The following ZNF222 variants were observed in gnomAD, a reference collection of about 807,000 sequenced individuals.
The protein encoded by ZNF222 is zinc finger protein 222.
A neutral mutation model predicts 11.6 loss-of-function variants in ZNF222; 8 were observed. The observed-to-expected ratio is 0.69, with a 90% CI of 0.41 to 1.25. The LOEUF (loss-of-function observed/expected upper bound fraction) is 1.25. ZNF222 is among the 50% of genes most tolerant of loss of function. The pLI, the probability that ZNF222 is intolerant of heterozygous loss-of-function variation, is 0.01. For missense variants in ZNF222, 483 were observed against 576.1 expected (o/e 0.84, Z 1.65); for synonymous variants, 171 against 195.6 (o/e 0.87, Z 1.05).
Position 44,029,201 on chromosome 19 carries a change from T to G in ZNF222, c.262+1711T>G, listed in dbSNP as rs573099416. ...GGTTTGTTTTGTTTTGTTTTTTTTT[T>G]TTTTTTTTTTTTTGTCTGTGCAGGG... On this transcript the variant is annotated intron_variant, in intron 3 of 3. Coordinates refer to ENST00000391960, the MANE Select transcript of ZNF222 (RefSeq NM_001129996.2). 2.0e-3 allele frequency among the ~76,000 whole-genome samples: 301 copies of G among 147,334 alleles called. 3 individuals carry two copies. Among genetic ancestry groups the G allele is most frequent in the South Asian group, 4.4e-3 (20 of 4,564 alleles).
At position 44,032,025 on chromosome 19, in the gene ZNF222, C is replaced by T; in HGVS notation, c.471C>T (p.Phe157=). 6.2e-7 allele frequency: 1 copy of T among 1,614,210 alleles called. No individual in the cohort carries two copies. The highest frequency in any genetic ancestry group is 8.5e-7 in the Non-Finnish European group (1 of 1,180,032). ...CAGTTCACACAAGAGAAAAACCTTT[C>T]CAGGGTGAAAATTGTAAACAGTTCT... ...LSTVHTREKP[F]QGENCKQFFS... is the part of the protein sequence containing the mutation. The change falls in exon 4 of 4, where the codon TTC becomes TTT. Residue 157 remains phenylalanine, a synonymous_variant. Coordinates refer to ENST00000391960, the MANE Select transcript of ZNF222 (RefSeq NM_001129996.2).
At chr19:44,026,187 C>A in intron 1 of ZNF222, 1 of 1,211,408 alleles carries the variant, frequency 8.3e-7, no homozygotes, top group Non-Finnish European at 1.2e-6. Context: ...ATGATTAAGC[C>A]TTAATTGGTA....
At chr19:44,029,802 C>T (rs555512226) in intron 3 of ZNF222, among the ~76,000 whole-genome samples, 1 of 152,192 alleles carries the variant, frequency 6.6e-6, no homozygotes, top group African/African-American at 2.4e-5. Context: ...AAAAATGTAC[C>T]TAATTCAGGA....
At chr19:44,028,330 T>C in intron 3 of ZNF222, 1 of 398,500 alleles carries the variant, frequency 2.5e-6, no homozygotes, top group Non-Finnish European at 4.4e-6. Context: ...GAACATAACG[T>C]GTTCATAGGT....
At chr19:44,029,185 TGTTTTG>T (rs1568503601) in intron 3 of ZNF222, among the ~76,000 whole-genome samples, 9 of 93,806 alleles carry the variant, frequency 9.6e-5, no homozygotes, top group African/African-American at 4.3e-4. Context: ...TGGTTTGTTT[TGTTTTG>T]TTTTTTTTTT....
intron 3 of ZNF222, among the ~76,000 whole-genome samples, chr19:44,029,465 A>G (rs1166383569): frequency 2.0e-5 from 3 of 152,136 alleles, no homozygotes; most frequent in Admixed American, 6.5e-5. Context: ...TCTTCAAAAA[A>G]TGTGTCTATT....
chr19:44,025,452 G>A lies in ZNF222; in HGVS notation c.16G>A (p.Glu6Lys), dbSNP rs1976333875. Reference protein sequence around the residue: MIDSGEKKPGRRAEEA... With the variant: MIDSGKKKPGRRAEEA... Reference sequence around the variant, plus strand: ...CAACCACCCAATGATCGATTCAGGAGAAAAGAAGCCTGGGCGGAGAGCAGA... The same window carrying A: ...CAACCACCCAATGATCGATTCAGGAAAAAAGAAGCCTGGGCGGAGAGCAGA... Residue 6 changes from glutamate (E) to lysine (K), a missense_variant, in exon 1 of 4, where the codon GAA becomes AAA. Transcript: ENST00000391960. The surrounding 1 kb of genome is among the most constrained non-coding windows in gnomAD (Gnocchi z 4.6). 6 of 1,551,410 alleles carry A rather than the reference G, an allele frequency of 3.9e-6. No individual in the cohort carries two copies. Among genetic ancestry groups the A allele is most frequent in the Non-Finnish European group, 5.2e-6 (6 of 1,146,876 alleles).
chr19:44,031,646 CT>C (rs35808011), intron 3 of ZNF222, among the ~76,000 whole-genome samples, 170 bp from the exon 4 acceptor site: 9,088 of 152,074 alleles, frequency 0.06, 880 homozygotes, highest in African/African-American at 0.21. Flanking sequence ...CCACACCCGG[CT>C]AATTTTTGTG....
chr19:44,032,612 A>G lies in ZNF222; in HGVS notation c.1058A>G (p.Tyr353Cys), dbSNP rs143672975. ...ATGATTCATATGGGACAGAAACCAT[A>G]TAATTGTAAAGAATGTGGGAAGAGC... ...HQMIHMGQKP[Y>C]NCKECGKSFK... Residue 353 changes from tyrosine to cysteine, a missense_variant, in exon 4 of 4, where the codon TAT becomes TGT. By Grantham distance (194) the Tyr-to-Cys change is radical (BLOSUM62 -2). Coordinates refer to ENST00000391960, the MANE Select transcript of ZNF222 (RefSeq NM_001129996.2). 3.7e-5 allele frequency: 59 copies of G among 1,614,094 alleles called. No individual in the cohort carries two copies. Among genetic ancestry groups the G allele is most frequent in the Non-Finnish European group, 4.3e-5 (51 of 1,180,048 alleles).
Position 44,032,088 on chromosome 19 carries a change from A to G in ZNF222, c.534A>G (p.Leu178=), listed in dbSNP as rs1976513442. Residue 178 remains leucine (L), a synonymous_variant, in exon 4 of 4, where the codon TTA becomes TTG. Coordinates refer to ENST00000391960, the MANE Select transcript of ZNF222 (RefSeq NM_001129996.2). ...CCTTCTTTGATCTTCCTCAGCAGTTATATTCAGGAGAGAAGTCTCATACCT... is the reference window on the plus strand; with the variant it reads ...CCTTCTTTGATCTTCCTCAGCAGTTGTATTCAGGAGAGAAGTCTCATACCT... The part of the protein sequence containing the change: ...DVSFFDLPQQ[L]YSGEKSHTCD... The G allele has an allele frequency of 1.9e-6, 3 of 1,614,124 alleles. No homozygotes were observed. The highest frequency in any genetic ancestry group is 2.2e-5 in the East Asian group (1 of 44,894).
At chr19:44,030,926 G>A (rs1290724355) in intron 3 of ZNF222, 1 of 152,084 alleles carries the variant, frequency 6.6e-6, no homozygotes, top group Non-Finnish European at 1.5e-5. Context: ...AAATAATATT[G>A]TTTCACTATC....
chr19:44,026,009 GCTTT>G, intron 1 of ZNF222: 1 of 1,605,114 alleles, frequency 6.2e-7, no homozygotes, highest in Non-Finnish European at 8.5e-7. Flanking sequence ...GTGTTTCACA[GCTTT>G]CTTTTTCCCC....
In ZNF222 at chr19:44,027,026, G is replaced by A; in HGVS notation, c.46G>A (p.Ala16Thr). 2 of 1,613,992 alleles carry A rather than the reference G, an allele frequency of 1.2e-6. No homozygotes were observed. Among genetic ancestry groups the A allele is most frequent in the Non-Finnish European group, 1.7e-6 (2 of 1,179,942 alleles). The change falls in exon 2 of 4, where the codon GCA (alanine) becomes ACA (threonine). Residue 16 changes from alanine to threonine, a missense_variant. By Grantham distance (58) the Ala-to-Thr change is moderately conservative (BLOSUM62 0). Transcript: ENST00000391960. The part of the protein sequence containing the change: ...EKKPGRRAEE[A>T]VTFKDVAVIF... Reference sequence around the variant, plus strand: ...TGACATCTGCTTGATGTTGTAGGAGGCAGTGACCTTCAAGGATGTGGCTGT... The same window carrying A: ...TGACATCTGCTTGATGTTGTAGGAGACAGTGACCTTCAAGGATGTGGCTGT...
chr19:44,032,091 T>A lies in ZNF222; in HGVS notation c.537T>A (p.Tyr179Ter), dbSNP rs373128581. The change falls in exon 4 of 4, where the codon TAT becomes TAA. Residue 179 changes from tyrosine (Y) to a stop codon, truncating the protein, a stop_gained. Coordinates refer to ENST00000391960, the MANE Select transcript of ZNF222 (RefSeq NM_001129996.2). LOFTEE classifies it low-confidence loss of function (END_TRUNC). ...TCTTTGATCTTCCTCAGCAGTTATA[T>A]TCAGGAGAGAAGTCTCATACCTGTG... ...VSFFDLPQQL[Y>*]SGEKSHTCDE... is the part of the protein sequence containing the mutation. The A allele has an allele frequency of 2.5e-6, 4 of 1,614,120 alleles. No individual in the cohort carries two copies. The African/African-American group carries it at 5.3e-5, about 22-fold the overall frequency.
intron 3 of ZNF222, chr19:44,028,283 C>G: frequency 2.5e-6 from 1 of 398,784 alleles, no homozygotes; most frequent in Middle Eastern, 6.3e-4. Flanking sequence ...GGCTAGTGAC[C>G]TCAATGGCAT....
chr19:44,027,640 C>A, intron 3 of ZNF222, 150 bp downstream of exon 3: 1 of 751,338 alleles, frequency 1.3e-6, no homozygotes, highest in South Asian at 1.6e-5. Flanking sequence ...ACCCTTCCCA[C>A]CCTGCCATCT....
chr19:44,026,075 G>T lies in ZNF222; in HGVS notation c.42+597G>T, dbSNP rs147295775. On this transcript the variant is annotated intron_variant, in intron 1 of 3. Transcript: ENST00000391960. Reference sequence around the variant, plus strand: ...GGAAGGGACTTCTTGGCTACTGATGGCAAAGCTCTACGTGAGTGATCCTTG... The same window carrying T: ...GGAAGGGACTTCTTGGCTACTGATGTCAAAGCTCTACGTGAGTGATCCTTG... 208 of 1,613,486 alleles carry T rather than the reference G, an allele frequency of 1.3e-4. 2 individuals carry two copies. The African/African-American group carries it at 1.9e-3, about 15-fold the overall frequency.
chr19:44,031,710 T>C, intron 3 of ZNF222, 107 bp from the exon 4 acceptor site: 1 of 1,265,324 alleles, frequency 7.9e-7, no homozygotes, highest in Non-Finnish European at 1.1e-6. Context: ...CTCAAACTCC[T>C]GACCTCACAG....
rs1976542838 is a variant in ZNF222, at chr19:44,033,054, A to C, written c.*24A>C. 6.8e-7 allele frequency: 1 copy of C among 1,470,286 alleles called. No individual in the cohort carries two copies. The highest frequency in any genetic ancestry group is 2.5e-5 in the Admixed American group (1 of 39,996). 91.1% of individuals were successfully genotyped at this position (1,470,286 alleles called of 1,614,324 possible). On this transcript the variant is annotated 3_prime_UTR_variant, in exon 4 of 4. Transcript: ENST00000391960. Reference sequence around the variant, plus strand: ...AAGTTATACATATTTATGGAGTGTGAAATTTGATACATGTATATAATGTGT... The same window carrying C: ...AAGTTATACATATTTATGGAGTGTGCAATTTGATACATGTATATAATGTGT...
Sources: gnomAD v4.1 joint callset for allele counts (sites outside exome capture counted in the v4.1 genomes callset) on GRCh38, gnomAD v4.1.1 for gene constraint, Gnocchi (gnomAD v3.1) non-coding constraint, MANE v1.5 for transcripts, NCBI Gene and HGNC (gene_info 2026-07-23, HGNC 2026-07-21) for gene names.